HEG1: variants seen among roughly 807,000 people sequenced by gnomAD.
HEG1 encodes protein HEG homolog 1.
In HEG1, 56 loss-of-function variants were observed where a neutral mutation model predicts 125.6. That is an observed-to-expected ratio of 0.45 (90% CI 0.36 to 0.56). The LOEUF (loss-of-function observed/expected upper bound fraction) is 0.56. Among genes scored for constraint, HEG1 ranks in the 20% least tolerant of loss-of-function variants. The probability of loss-of-function intolerance (pLI) is 0.00; values close to 1 mark genes in which losing one functional copy is unlikely to be tolerated. For synonymous variants in HEG1, 644 were observed against 668.5 expected (o/e 0.96, Z 0.57); for missense variants, 1,523 against 1,670.0 (o/e 0.91, Z 1.53).
chr3:124,990,456 A>T (rs1461031205), intron 14 of HEG1, among the ~76,000 whole-genome samples: 3 of 151,428 alleles, frequency 2.0e-5, no homozygotes, highest in Non-Finnish European at 4.4e-5. Flanking sequence ...CTCTCACCTC[A>T]GCTTCCCAAG....
chr3:124,992,124 G>A lies in HEG1; in HGVS notation c.3653-1138C>T, dbSNP rs147799276. Among the ~76,000 whole-genome samples the A allele has an allele frequency of 3.4e-3, 516 of 152,286 alleles. 1 individual carries two copies. The highest frequency in any genetic ancestry group is 5.3e-3 in the Non-Finnish European group (360 of 68,020). On this transcript the variant is annotated intron_variant, in intron 12 of 16. Transcript: ENST00000311127. ...ATCTTCTGGGGCACAGTCCTGGTGT[G>A]TACCCAGGTTTTCGTAACAGAATGC...
intron 13 of HEG1, 21 bp from the exon 14 acceptor site, chr3:124,990,845 A>G: frequency 5.8e-6 from 9 of 1,560,596 alleles, no homozygotes; most frequent in Non-Finnish European, 5.2e-6. Context: ...AGAAAGAAAA[A>G]AGGGCAAGAA....
intron 15 of HEG1, among the ~76,000 whole-genome samples, chr3:124,977,657 T>G (rs1368371761): frequency 1.3e-5 from 2 of 152,308 alleles, no homozygotes; most frequent in Non-Finnish European, 2.9e-5. Flanking sequence ...ATAAAGAAAA[T>G]GAAGTTCCAT....
chr3:125,005,180 C>G, intron 9 of HEG1, 85 bp downstream of exon 9: 1 of 774,946 alleles, frequency 1.3e-6, no homozygotes, highest in Non-Finnish European at 2.1e-6. Flanking sequence ...GGAGACACAG[C>G]TGACCGCTAG....
chr3:124,996,584 A>C (rs997361829), intron 12 of HEG1, among the ~76,000 whole-genome samples: 2 of 152,334 alleles, frequency 1.3e-5, no homozygotes, highest in Admixed American at 1.3e-4. Context: ...TCCCACCTGG[A>C]GAGCTGATGA....
chr3:125,010,126 T>G (rs1229062873), intron 7 of HEG1, among the ~76,000 whole-genome samples: 1 of 152,214 alleles, frequency 6.6e-6, no homozygotes, highest in Non-Finnish European at 1.5e-5. Flanking sequence ...TGGAAGGACT[T>G]TAATCAATAG....
At chr3:124,997,418 A>G (rs1936938087) in intron 12 of HEG1, among the ~76,000 whole-genome samples, 1 of 152,244 alleles carries the variant, frequency 6.6e-6, no homozygotes, top group Non-Finnish European at 1.5e-5. Context: ...TAAATGGAAA[A>G]AAAAAGAAAA....
At chr3:125,039,152 G>A (rs895431773) in intron 1 of HEG1, among the ~76,000 whole-genome samples, 2 of 152,076 alleles carry the variant, frequency 1.3e-5, no homozygotes, top group Admixed American at 6.5e-5. Flanking sequence ...AAATTAACAA[G>A]AGCGTTTTAT....
rs1423285364 is a variant in HEG1 at position 125,014,377 on chromosome 3, T to C, written c.1589-387A>G. Among the ~76,000 whole-genome samples the C allele has an allele frequency of 2.0e-5, 3 of 152,252 alleles. No individual in the cohort carries two copies. In the East Asian group the frequency reaches 5.8e-4, roughly 29 times the overall value. The stretch of plus-strand genomic sequence containing the variant: ...AAATAGAATAACTGTTATGCCTAAA[T>C]GAAAAAAGGAAAATCTTCCCAACTT... On this transcript the variant is annotated intron_variant, in intron 5 of 16. Coordinates refer to ENST00000311127, the MANE Select transcript of HEG1 (RefSeq NM_020733.2).
chr3:125,034,082 T>C (rs2948778), intron 1 of HEG1, among the ~76,000 whole-genome samples: 74,345 of 151,500 alleles, frequency 0.49, 18,483 homozygotes, highest in Middle Eastern at 0.64. Context: ...CTGTTAATAA[T>C]GGGGCAGGGG....
chr3:124,976,354 T>C (rs1936536587), intron 15 of HEG1, among the ~76,000 whole-genome samples: 1 of 152,082 alleles, frequency 6.6e-6, no homozygotes, highest in South Asian at 2.1e-4. Context: ...ACCCAGCTAA[T>C]TTTTTATATT....
intron 16 of HEG1, among the ~76,000 whole-genome samples, chr3:124,972,844 C>A (rs1579391574): frequency 6.6e-6 from 1 of 152,260 alleles, no homozygotes; most frequent in African/African-American, 2.4e-5. Context: ...TGTCTCCTAC[C>A]TTTCCAAATG....
chr3:125,027,501 T>C lies in HEG1; in HGVS notation c.617A>G (p.Glu206Gly). ...ACTGCTGGATGGCAGGTGAAGACTT[T>C]CTGAGGCTGAAAACAGACAAAAACA... Reference protein sequence around the residue: ...LTSQSGNLASESLHLPSSSSE... With the variant: ...LTSQSGNLASGSLHLPSSSSE... The change falls in exon 3 of 17, where the codon GAA becomes GGA. Residue 206 changes from glutamate to glycine, a missense_variant. Coordinates refer to ENST00000311127, the MANE Select transcript of HEG1 (RefSeq NM_020733.2). 1 of 1,600,472 alleles carries C rather than the reference T, an allele frequency of 6.2e-7. No individual in the cohort carries two copies. Among genetic ancestry groups the C allele is most frequent in the Non-Finnish European group, 8.5e-7 (1 of 1,174,216 alleles).
chr3:124,977,783 T>C (rs1936572282), intron 15 of HEG1, 76 bp downstream of exon 15: 2 of 901,624 alleles, frequency 2.2e-6, no homozygotes, highest in Non-Finnish European at 3.5e-6. Flanking sequence ...TCAAGTATCC[T>C]GTAAAAGAAT....
At chr3:124,971,042 C>T in intron 16 of HEG1, 1 of 601,778 alleles carries the variant, frequency 1.7e-6, no homozygotes, top group Non-Finnish European at 3.1e-6. Flanking sequence ...GAGGAACTGA[C>T]CTTTATAAGG....
chr3:125,003,816 C>A (rs56310138), intron 9 of HEG1, among the ~76,000 whole-genome samples: 57,968 of 152,128 alleles, frequency 0.38, 12,738 homozygotes, highest in African/African-American at 0.61. Flanking sequence ...GAAGCTCTGC[C>A]TTTGGAACTC....
intron 14 of HEG1, among the ~76,000 whole-genome samples, chr3:124,980,418 G>A (rs1221978295): frequency 2.0e-5 from 3 of 152,256 alleles, no homozygotes; most frequent in Non-Finnish European, 4.4e-5. Context: ...GGCTGCAGCT[G>A]TAGCAGGTTC....
rs1349291056 is a variant in HEG1 at position 124,968,998 on chromosome 3, G to A, written c.*1654C>T. 6.6e-6 allele frequency: 1 copy of A among 152,220 alleles called. No homozygotes were observed. The highest frequency in any genetic ancestry group is 1.5e-5 in the Non-Finnish European group (1 of 68,076). The allele number at this position is 152,220 out of a possible 1,614,324, so 9.4% of individuals were successfully genotyped here. On this transcript the variant is annotated 3_prime_UTR_variant, in exon 17 of 17. Coordinates refer to ENST00000311127, the MANE Select transcript of HEG1 (RefSeq NM_020733.2). ...TGATGGTGAGTGGTGGAGACCATGGGACACAGGAGTTCTTGCTTAAAACCA... is the reference window on the plus strand; with the variant it reads ...TGATGGTGAGTGGTGGAGACCATGGAACACAGGAGTTCTTGCTTAAAACCA...
intron 16 of HEG1, 33 bp from the exon 17 acceptor site, chr3:124,970,834 T>G (rs369628239): frequency 1.6e-4 from 248 of 1,576,010 alleles, no homozygotes; most frequent in Non-Finnish European, 2.0e-4. Context: ...GAAAAGTCAA[T>G]TTATCATTCT....
Sources: allele counts gnomAD v4.1 joint callset (sites outside exome capture counted in the v4.1 genomes callset), GRCh38; gene constraint gnomAD v4.1.1; transcripts MANE v1.5; gene names NCBI Gene and HGNC (gene_info 2026-07-23, HGNC 2026-07-21).